The following GRID2 variants were observed in gnomAD, a reference collection of about 807,000 sequenced individuals.
GRID2 encodes glutamate ionotropic receptor delta type subunit 2, also known as glutamate receptor ionotropic, delta-2.
Under a neutral mutation model 114.8 loss-of-function variants are expected in GRID2, and 33 were observed. The ratio of observed to expected loss-of-function variants is 0.29; its 90% CI spans 0.22 to 0.38. The LOEUF (loss-of-function observed/expected upper bound fraction) is 0.38, where lower values mean the gene tolerates loss of function less well. Among genes scored for constraint, GRID2 ranks in the 10% least tolerant of loss-of-function variants. The pLI is 1.00. For missense variants in GRID2, 1,184 were observed against 1,257.7 expected (o/e 0.94, Z 0.89); for synonymous variants, 505 against 449.9 (o/e 1.12, Z -1.55).
intron 2 of GRID2, among the ~76,000 whole-genome samples, chr4:92,699,750 C>G (rs571176894): frequency 6.6e-6 from 1 of 152,280 alleles, no homozygotes; most frequent in South Asian, 2.1e-4. Flanking sequence ...ACAATGACTT[C>G]TGTCTTCAGT....
At chr4:92,466,935 C>T (rs1052026604) in intron 1 of GRID2, among the ~76,000 whole-genome samples, 1 of 151,406 alleles carries the variant, frequency 6.6e-6, no homozygotes, top group African/African-American at 2.4e-5. Flanking sequence ...GTAGTTTTTG[C>T]CTTATTCCTC....
chr4:92,603,762 G>C (rs1329071345), intron 2 of GRID2, among the ~76,000 whole-genome samples: 1 of 151,310 alleles, frequency 6.6e-6, no homozygotes, highest in Non-Finnish European at 1.5e-5. Context: ...AACAGAATGG[G>C]AGAAAATTTT....
intron 8 of GRID2, among the ~76,000 whole-genome samples, chr4:93,252,061 T>A (rs1229921809): frequency 2.0e-5 from 3 of 152,172 alleles, no homozygotes; most frequent in African/African-American, 7.2e-5. Context: ...TGCCACACTG[T>A]CTTCCACAAT....
intron 2 of GRID2, among the ~76,000 whole-genome samples, chr4:92,959,901 T>C (rs1030283806): frequency 7.2e-5 from 11 of 151,962 alleles, no homozygotes; most frequent in African/African-American, 2.7e-4. Context: ...AAATACCTAA[T>C]GTAGATGATG....
chr4:92,602,137 A>G (rs1729243025), intron 2 of GRID2, among the ~76,000 whole-genome samples: 1 of 151,656 alleles, frequency 6.6e-6, no homozygotes, highest in African/African-American at 2.4e-5. Context: ...ATTGAAAAGG[A>G]GGGACTTCAC....
intron 2 of GRID2, among the ~76,000 whole-genome samples, chr4:92,761,718 C>T (rs1005938570): frequency 1.3e-5 from 2 of 152,078 alleles, no homozygotes; most frequent in African/African-American, 4.8e-5. Context: ...AGACAACCTC[C>T]ACTCCATCCA....
At chr4:92,646,121 G>A (rs536227947) in intron 2 of GRID2, among the ~76,000 whole-genome samples, 13 of 33,432 alleles carry the variant, frequency 3.9e-4, no homozygotes, top group Admixed American at 3.6e-3. Context: ...GTCTGTTTTC[G>A]TAATGGAACG....
intron 14 of GRID2, among the ~76,000 whole-genome samples, chr4:93,759,942 A>C (rs1447045511): frequency 2.0e-5 from 3 of 152,178 alleles, no homozygotes; most frequent in Non-Finnish European, 1.5e-5. Context: ...TGGTGTATTC[A>C]AAAAAAGCAC....
intron 2 of GRID2, among the ~76,000 whole-genome samples, chr4:92,599,985 A>G (rs1359925986): frequency 6.9e-6 from 1 of 144,258 alleles, no homozygotes; most frequent in Non-Finnish European, 1.5e-5. Flanking sequence ...AGATTGCGCC[A>G]CTGCACTCCA....
intron 1 of GRID2, among the ~76,000 whole-genome samples, chr4:92,550,086 G>A (rs1159333310): frequency 2.0e-5 from 3 of 152,064 alleles, no homozygotes; most frequent in Non-Finnish European, 2.9e-5. Context: ...TCCAGAATAA[G>A]ACATTGATAT....
intron 3 of GRID2, among the ~76,000 whole-genome samples, chr4:93,101,320 T>A (rs1185127800): frequency 6.6e-6 from 1 of 152,040 alleles, no homozygotes; most frequent in Non-Finnish European, 1.5e-5. Flanking sequence ...AATCAATTGA[T>A]CTTAACTATA....
chr4:92,907,809 A>C (rs972188875), intron 2 of GRID2, among the ~76,000 whole-genome samples: 1 of 151,830 alleles, frequency 6.6e-6, no homozygotes, highest in African/African-American at 2.4e-5. Context: ...AGATCACCTG[A>C]GGTTAGGAGT....
intron 13 of GRID2, among the ~76,000 whole-genome samples, chr4:93,593,277 T>G: frequency 6.8e-6 from 1 of 146,052 alleles, no homozygotes; most frequent in African/African-American, 2.5e-5. Flanking sequence ...CAGCATTTGC[T>G]TGTCTGTAAA....
rs557105710 is a variant in GRID2 at position 92,521,301 on chromosome 4, T to C, written c.89-68830T>C. 3.5e-3 allele frequency among the ~76,000 whole-genome samples: 534 copies of C among 152,000 alleles called. 1 individual carries two copies. The highest frequency in any genetic ancestry group is 5.1e-3 in the Non-Finnish European group (345 of 67,918). On this transcript the variant is annotated intron_variant, in intron 1 of 15. Coordinates refer to ENST00000282020, the MANE Select transcript of GRID2 (RefSeq NM_001510.4). ...TAAATAATTCTTGACACATGATTTA[T>C]CTATGTTATGCAAGTTTTATTATAT...
intron 2 of GRID2, among the ~76,000 whole-genome samples, chr4:92,891,417 A>G (rs1278961528): frequency 3.3e-5 from 5 of 152,198 alleles, no homozygotes; most frequent in Non-Finnish European, 5.9e-5. Context: ...ATAGCAGACT[A>G]AGCAAAGTAG....
At chr4:93,332,299 T>TGAGAGAGAGAGAGAGAGAGAGA (rs10596544) in intron 8 of GRID2, among the ~76,000 whole-genome samples, 2 of 121,042 alleles carry the variant, frequency 1.7e-5, no homozygotes, top group African/African-American at 3.3e-5. Flanking sequence ...TGTGTGTGTG[T>TGAGAGAGAGAGAGAGAGAGAGA]GAGAGAGAGA....
At chr4:93,247,606 C>A (rs553295303) in intron 8 of GRID2, among the ~76,000 whole-genome samples, 1 of 152,002 alleles carries the variant, frequency 6.6e-6, no homozygotes, top group African/African-American at 2.4e-5. Flanking sequence ...GTTTCTTAGG[C>A]CCTTGGGTTT....
intron 1 of GRID2, among the ~76,000 whole-genome samples, chr4:92,433,521 A>G (rs1460774750): frequency 1.3e-5 from 2 of 152,160 alleles, no homozygotes; most frequent in African/African-American, 4.8e-5. Context: ...TTTCTGCTGG[A>G]ACAGACACAC....
intron 14 of GRID2, among the ~76,000 whole-genome samples, chr4:93,626,983 A>C (rs917419498): frequency 6.6e-6 from 1 of 152,200 alleles, no homozygotes; most frequent in African/African-American, 2.4e-5. Context: ...TAACTTATTG[A>C]GACATTATAT....
Sources: allele counts gnomAD v4.1 joint callset (sites outside exome capture counted in the v4.1 genomes callset), GRCh38; gene constraint gnomAD v4.1.1; transcripts MANE v1.5; gene names NCBI Gene and HGNC (gene_info 2026-07-23, HGNC 2026-07-21).